Variants in NEK1 observed in about 807,000 individuals in gnomAD.
NEK1 encodes the protein NIMA related kinase 1, also known as serine/threonine-protein kinase Nek1.
Under a neutral mutation model 182.1 loss-of-function variants are expected in NEK1, and 137 were observed. The ratio of observed to expected loss-of-function variants is 0.75; its 90% CI spans 0.65 to 0.87. The LOEUF is 0.87. Ranked by LOEUF, NEK1 falls within the 40% of genes least tolerant of loss-of-function variation. The probability of loss-of-function intolerance (pLI) is 0.00; values close to 1 mark genes in which losing one functional copy is unlikely to be tolerated. For missense variants in NEK1, 1,391 were observed against 1,494.4 expected (o/e 0.93, Z 1.14); for synonymous variants, 513 against 492.2 (o/e 1.04, Z -0.56).
intron 27 of NEK1, among the ~76,000 whole-genome samples, chr4:169,448,825 C>A (rs1290650542): frequency 6.6e-6 from 1 of 152,190 alleles, no homozygotes; most frequent in African/African-American, 2.4e-5. Flanking sequence ...GTGCAGCCCA[C>A]GGAGGGTGAG....
chr4:169,568,159 A>G (rs546176969), intron 12 of NEK1, among the ~76,000 whole-genome samples: 1 of 152,300 alleles, frequency 6.6e-6, no homozygotes, highest in African/African-American at 2.4e-5. Context: ...ACTCGCTTCT[A>G]CAAGTCCACT....
intron 19 of NEK1, 59 bp downstream of exon 19, chr4:169,537,750 C>T: frequency 7.9e-7 from 1 of 1,269,060 alleles, no homozygotes; most frequent in Non-Finnish European, 1.2e-6. Context: ...TACCTTATTC[C>T]AGACCTTCAC....
chr4:169,562,608 A>C (rs969503939), intron 12 of NEK1, among the ~76,000 whole-genome samples: 18 of 152,144 alleles, frequency 1.2e-4, no homozygotes, highest in Admixed American at 1.1e-3. Context: ...CCACCTCCAG[A>C]GTAACGGTAA....
chr4:169,555,628 A>T, intron 18 of NEK1, 92 bp downstream of exon 18: 3 of 1,524,778 alleles, frequency 2.0e-6, no homozygotes, highest in South Asian at 1.1e-5. Context: ...TGAACAATGG[A>T]GAAAACATCC....
At chr4:169,497,219 T>C (rs577784736) in intron 23 of NEK1, among the ~76,000 whole-genome samples, 4 of 152,358 alleles carry the variant, frequency 2.6e-5, no homozygotes, top group South Asian at 4.1e-4. Context: ...TCTCTGATGG[T>C]AGTTTGTATT....
intron 18 of NEK1, among the ~76,000 whole-genome samples, chr4:169,542,557 G>T (rs1759638729): frequency 6.6e-6 from 1 of 152,156 alleles, no homozygotes; most frequent in Non-Finnish European, 1.5e-5. Context: ...TCTAGTTCTA[G>T]ATCCTTGAGG....
intron 33 of NEK1, among the ~76,000 whole-genome samples, chr4:169,400,921 A>T (rs1382301966): frequency 3.8e-5 from 1 of 26,376 alleles, no homozygotes; most frequent in Non-Finnish European, 8.3e-5. Flanking sequence ...TTACTTAAAT[A>T]AAAAAAAAAA....
intron 18 of NEK1, among the ~76,000 whole-genome samples, chr4:169,550,809 C>A (rs1278271201): frequency 6.6e-6 from 1 of 152,160 alleles, no homozygotes; most frequent in Non-Finnish European, 1.5e-5. Flanking sequence ...CACATCGCTG[C>A]CTTTTGACAT....
chr4:169,479,607 G>T, intron 23 of NEK1, 73 bp from the exon 24 acceptor site: 1 of 1,235,870 alleles, frequency 8.1e-7, no homozygotes, highest in Non-Finnish European at 1.1e-6. Context: ...GTACCTACCA[G>T]ATCACTATTT....
intron 23 of NEK1, among the ~76,000 whole-genome samples, chr4:169,492,175 T>G (rs1750218901): frequency 6.6e-6 from 1 of 152,232 alleles, no homozygotes; most frequent in African/African-American, 2.4e-5. Flanking sequence ...AATTAAGCTC[T>G]CCAATCAAAA....
intron 19 of NEK1, among the ~76,000 whole-genome samples, chr4:169,530,711 G>T (rs1038963431): frequency 1.3e-5 from 2 of 151,436 alleles, no homozygotes; most frequent in South Asian, 4.2e-4. Context: ...AGGTGTTGGG[G>T]GTAGAACGAG....
intron 27 of NEK1, among the ~76,000 whole-genome samples, chr4:169,443,184 C>T (rs1739851008): frequency 6.6e-6 from 1 of 151,852 alleles, no homozygotes; most frequent in Non-Finnish European, 1.5e-5. Context: ...AGCATGGTGT[C>T]AAAAGCCTGT....
chr4:169,537,590 T>C (rs1226896709), intron 19 of NEK1, among the ~76,000 whole-genome samples: 1 of 152,112 alleles, frequency 6.6e-6, no homozygotes, highest in Non-Finnish European at 1.5e-5. Context: ...AAAGCAACAA[T>C]AGAATTCCAC....
chr4:169,590,694 A>C (rs2150092668), intron 6 of NEK1, 32 bp downstream of exon 6: 1 of 1,484,142 alleles, frequency 6.7e-7, no homozygotes, highest in East Asian at 2.4e-5. Context: ...GTCTTTATCC[A>C]TTCAGAAGTT....
At chr4:169,401,435 A>C (rs1731665756) in intron 33 of NEK1, among the ~76,000 whole-genome samples, 2 of 152,208 alleles carry the variant, frequency 1.3e-5, no homozygotes, top group African/African-American at 4.8e-5. Context: ...TCAAAAAAGC[A>C]TTGACATAAT....
intron 12 of NEK1, among the ~76,000 whole-genome samples, chr4:169,568,281 C>G (rs919801420): frequency 6.6e-6 from 1 of 152,110 alleles, no homozygotes; most frequent in Non-Finnish European, 1.5e-5. Flanking sequence ...ACAGAGAATT[C>G]CATGTGTATA....
intron 18 of NEK1, among the ~76,000 whole-genome samples, chr4:169,548,520 CAG>C (rs1194456173): frequency 6.6e-6 from 1 of 152,242 alleles, no homozygotes; most frequent in Non-Finnish European, 1.5e-5. Context: ...CTGCTCTCTT[CAG>C]AGCTGCCAAG....
At chr4:169,444,544 A>G (rs1740129853) in intron 27 of NEK1, among the ~76,000 whole-genome samples, 2 of 152,186 alleles carry the variant, frequency 1.3e-5, no homozygotes, top group Admixed American at 1.3e-4. Flanking sequence ...TGATGAAGGG[A>G]AAAATTAAAT....
chr4:169,398,194 CTTTTA>C (rs1731030415), intron 35 of NEK1, among the ~76,000 whole-genome samples: 1 of 151,786 alleles, frequency 6.6e-6, no homozygotes, highest in South Asian at 2.1e-4. Context: ...AAATGTTTAC[CTTTTA>C]TATTTTCATT....
Sources: gnomAD v4.1 joint callset for allele counts (sites outside exome capture counted in the v4.1 genomes callset) on GRCh38, gnomAD v4.1.1 for gene constraint, MANE v1.5 for transcripts, NCBI Gene and HGNC (gene_info 2026-07-23, HGNC 2026-07-21) for gene names.